The following CEP128 variants were observed in gnomAD, a reference collection of about 807,000 sequenced individuals.
CEP128 encodes the protein centrosomal protein 128.
Under a neutral mutation model 156.7 loss-of-function variants are expected in CEP128, and 132 were observed. That is an observed-to-expected ratio of 0.84 (90% CI 0.73 to 0.97). The LOEUF is 0.97. CEP128 is among the 50% of genes least tolerant of loss of function. CEP128 has a pLI of 0.00. For missense variants in CEP128, 1,252 were observed against 1,281.9 expected (o/e 0.98, Z 0.36); for synonymous variants, 469 against 448.9 (o/e 1.04, Z -0.57).
At chr14:80,944,882 A>C (rs140065099), upstream of CEP128, among the ~76,000 whole-genome samples, 557 of 150,252 alleles carry the variant, frequency 3.7e-3, 10 homozygotes, top group African/African-American at 8.7e-3. Flanking sequence ...CAAAACAAAA[A>C]AAAAAAAAAC....
intron 16 of CEP128, among the ~76,000 whole-genome samples, chr14:80,774,006 T>C (rs370312291): frequency 6.6e-6 from 1 of 152,192 alleles, no homozygotes; most frequent in Non-Finnish European, 1.5e-5. Context: ...CTCTTTGTCA[T>C]GTAAAACTGA....
rs1279637799 is a variant in CEP128, at chr14:80,831,282, T to G, written c.1070A>C (p.Glu357Ala). 1.2e-6 allele frequency: 2 copies of G among 1,613,842 alleles called. No individual in the cohort carries two copies. Among genetic ancestry groups the G allele is most frequent in the East Asian group, 4.5e-5 (2 of 44,878 alleles). The change falls in exon 13 of 25, where the codon GAA becomes GCA. Residue 357 changes from glutamate (E) to alanine (A), a missense_variant. Coordinates refer to ENST00000555265, the MANE Select transcript of CEP128 (RefSeq NM_152446.5). ...CATTTGCTTCTCCAGGTCCTGTTTT[T>G]CCCGCTCAACCCCTTAAAAGATAAA... ...DWRFRRGVER[E>A]KQDLEKQMSD...
intron 9 of CEP128, among the ~76,000 whole-genome samples, chr14:80,856,462 T>C (rs76591961): frequency 0.065 from 9,809 of 152,026 alleles, 1,056 homozygotes; most frequent in African/African-American, 0.22. Flanking sequence ...CTGGGCAACA[T>C]GGCGAAACCT....
intron 19 of CEP128, among the ~76,000 whole-genome samples, chr14:80,694,783 A>G (rs756050293): frequency 1.3e-4 from 20 of 152,084 alleles, no homozygotes; most frequent in Non-Finnish European, 2.1e-4. Flanking sequence ...GAGCATTATC[A>G]TAAATACCTA....
intron 13 of CEP128, chr14:80,830,311 G>A (rs1278850288): frequency 1.9e-6 from 1 of 532,898 alleles, no homozygotes; most frequent in African/African-American, 1.9e-5. Flanking sequence ...AAACACAGAT[G>A]AGTAACATTA....
intron 14 of CEP128, among the ~76,000 whole-genome samples, chr14:80,481,247 G>A (rs1021439868): frequency 2.6e-5 from 4 of 152,152 alleles, no homozygotes; most frequent in African/African-American, 9.7e-5. Context: ...GGAGGCAAAA[G>A]GCACTTCTTA....
At chr14:80,763,568 G>A (rs1471008754) in intron 16 of CEP128, among the ~76,000 whole-genome samples, 1 of 152,104 alleles carries the variant, frequency 6.6e-6, no homozygotes, top group African/African-American at 2.4e-5. Flanking sequence ...TTAAGATGCT[G>A]CATTCTTTCT....
intron 19 of CEP128, among the ~76,000 whole-genome samples, chr14:80,614,360 T>A (rs1055002968): frequency 1.3e-5 from 2 of 152,196 alleles, no homozygotes; most frequent in Non-Finnish European, 2.9e-5. Flanking sequence ...TACATTCCTA[T>A]ACGCCAGGCT....
At chr14:80,672,017 G>C (rs1020621672) in intron 19 of CEP128, among the ~76,000 whole-genome samples, 4 of 152,058 alleles carry the variant, frequency 2.6e-5, no homozygotes, top group Non-Finnish European at 5.9e-5. Context: ...CAAAAACAGA[G>C]ATTTACACCA....
At chr14:80,599,641 C>T (rs1043865204) in intron 19 of CEP128, among the ~76,000 whole-genome samples, 5 of 151,732 alleles carry the variant, frequency 3.3e-5, no homozygotes, top group African/African-American at 1.2e-4. Context: ...TATAGTTAGA[C>T]ACTGTACTAC....
intron 15 of CEP128, among the ~76,000 whole-genome samples, chr14:80,783,514 G>A (rs763318257): frequency 1.3e-5 from 2 of 152,120 alleles, no homozygotes; most frequent in South Asian, 4.1e-4. Context: ...AGCAGTGACC[G>A]GCACAAAATG....
At chr14:80,647,100 T>TACACACAC (rs1323202529) in intron 19 of CEP128, among the ~76,000 whole-genome samples, 5 of 104,510 alleles carry the variant, frequency 4.8e-5, no homozygotes, top group African/African-American at 1.8e-4. Flanking sequence ...CCCTTATAAA[T>TACACACAC]ACACATACAC....
chr14:80,958,629 G>A lies in CEP128; in HGVS notation c.-279-344C>T, dbSNP rs74064771. 6.2e-3 allele frequency among the ~76,000 whole-genome samples: 944 copies of A among 152,228 alleles called. 16 individuals are homozygous for A. Among genetic ancestry groups the A allele is most frequent in the African/African-American group, 0.022 (914 of 41,548 alleles). On this transcript the variant is annotated intron_variant, in intron 1 of 7. Coordinates refer to the CEP128 transcript ENST00000555529. ...AGGCAAGGAGGACAAGAAAGACTAA[G>A]TTAGTCTTTCTTGACAAGAAAATCT...
intron 19 of CEP128, among the ~76,000 whole-genome samples, chr14:80,645,534 TGGAAA>T (rs1313790292): frequency 6.6e-6 from 1 of 151,908 alleles, no homozygotes; most frequent in East Asian, 1.9e-4. Context: ...ATACGTAAAA[TGGAAA>T]GGAATTAAAA....
intron 9 of CEP128, among the ~76,000 whole-genome samples, chr14:80,849,944 G>A (rs749851935): frequency 5.3e-5 from 8 of 151,910 alleles, no homozygotes; most frequent in Non-Finnish European, 1.0e-4. Flanking sequence ...GCACAGCTTC[G>A]AAATATTAAA....
At chr14:80,734,435 T>A (rs1434607884) in intron 19 of CEP128, among the ~76,000 whole-genome samples, 2 of 147,944 alleles carry the variant, frequency 1.4e-5, no homozygotes, top group African/African-American at 5.0e-5. Flanking sequence ...ACACCCTGAC[T>A]TTTTTTTTTA....
At chr14:80,507,474 G>A (rs78045436) in intron 23 of CEP128, among the ~76,000 whole-genome samples, 10,862 of 152,248 alleles carry the variant, frequency 0.071, 560 homozygotes, top group African/African-American at 0.14. Context: ...TACTACAGGT[G>A]TGGCTGAAAT....
At chr14:80,919,837 T>C (rs746274387) in intron 2 of CEP128, among the ~76,000 whole-genome samples, 6 of 152,158 alleles carry the variant, frequency 3.9e-5, no homozygotes, top group Non-Finnish European at 7.4e-5. Flanking sequence ...GTTTCACTAG[T>C]ACACACACAC....
chr14:80,558,055 C>T (rs568929464), intron 21 of CEP128, among the ~76,000 whole-genome samples: 39 of 152,030 alleles, frequency 2.6e-4, no homozygotes, highest in Non-Finnish European at 5.4e-4. Flanking sequence ...ACTTGAAAAA[C>T]AGAAAGAAAT....
Sources: allele counts gnomAD v4.1 joint callset (sites outside exome capture counted in the v4.1 genomes callset), GRCh38; gene constraint gnomAD v4.1.1; transcripts MANE v1.5; gene names NCBI Gene and HGNC (gene_info 2026-07-23, HGNC 2026-07-21).